AGL: variants seen among roughly 807,000 people sequenced by gnomAD.
AGL encodes amylo-alpha-1,6-glucosidase and 4-alpha-glucanotransferase, also known as glycogen debranching enzyme.
Under a neutral mutation model 199.3 loss-of-function variants are expected in AGL, and 128 were observed. The ratio of observed to expected loss-of-function variants is 0.64; its 90% CI spans 0.56 to 0.74. The LOEUF (loss-of-function observed/expected upper bound fraction) is 0.74, where lower values mean the gene tolerates loss of function less well. Ranked by LOEUF, AGL falls within the 30% of genes least tolerant of loss-of-function variation. The pLI is 0.00. For missense variants in AGL, 1,809 were observed against 1,820.8 expected (o/e 0.99, Z 0.12); for synonymous variants, 584 against 594.7 (o/e 0.98, Z 0.26).
rs141944878 is a variant in AGL, at chr1:99,880,771, G to C, written c.1875G>C (p.Thr625=). The change falls in exon 14 of 34, where the codon ACG becomes ACC. Residue 625 remains threonine, a synonymous_variant. Coordinates refer to ENST00000361915, the MANE Select transcript of AGL (RefSeq NM_000642.3). The part of the protein sequence containing the change: ...AIAHALFMDI[T]HDNECPIVHR... The stretch of plus-strand genomic sequence containing the variant: ...CACATGCCCTGTTTATGGATATTAC[G>C]CATGATAATGAGTGTCCTATTGTGG... The C allele has an allele frequency of 5.9e-5, 95 of 1,613,776 alleles. No individual in the cohort carries two copies. Among genetic ancestry groups the C allele is most frequent in the Non-Finnish European group, 7.3e-5 (86 of 1,179,908 alleles).
chr1:99,870,065 A>G (rs1288121508), intron 5 of AGL, among the ~76,000 whole-genome samples: 1 of 151,980 alleles, frequency 6.6e-6, no homozygotes, highest in Non-Finnish European at 1.5e-5. Context: ...CACTTTCTCA[A>G]CCTCGCTTTT....
At chr1:99,859,343 AT>A (rs1057348234) in intron 2 of AGL, among the ~76,000 whole-genome samples, 3 of 146,998 alleles carry the variant, frequency 2.0e-5, no homozygotes, top group South Asian at 2.1e-4. Context: ...TATAAAAAGC[AT>A]TTTTTCTGTG....
intron 4 of AGL, 142 bp from the exon 5 acceptor site, chr1:99,864,244 C>T: frequency 1.3e-6 from 1 of 754,002 alleles, no homozygotes; most frequent in Non-Finnish European, 2.2e-6. Context: ...GATTTGAACC[C>T]AAGTGTTTGA....
At chr1:99,907,687 T>G (rs1205167461) in intron 27 of AGL, among the ~76,000 whole-genome samples, 1 of 127,062 alleles carries the variant, frequency 7.9e-6, no homozygotes. Flanking sequence ...TTTGTTTTTG[T>G]TTTTTGTTTT....
intron 5 of AGL, among the ~76,000 whole-genome samples, chr1:99,867,855 G>A (rs936356146): frequency 6.6e-6 from 1 of 152,148 alleles, no homozygotes; most frequent in African/African-American, 2.4e-5. Flanking sequence ...AAGCAGGCAG[G>A]TGGAGAAAAA....
At chr1:99,914,279 C>T (rs111912615) in intron 30 of AGL, among the ~76,000 whole-genome samples, 40 of 152,350 alleles carry the variant, frequency 2.6e-4, no homozygotes, top group African/African-American at 8.9e-4. Flanking sequence ...TGTGCTATAA[C>T]CAGTGCCTCA....
chr1:99,873,498 A>G (rs1651206894), intron 7 of AGL, among the ~76,000 whole-genome samples: 2 of 146,372 alleles, frequency 1.4e-5, no homozygotes, highest in Admixed American at 7.0e-5. Context: ...GCAGTGGTGT[A>G]ATCTCCACTC....
At chr1:99,857,270 C>G (rs563683663) in intron 2 of AGL, among the ~76,000 whole-genome samples, 1 of 151,556 alleles carries the variant, frequency 6.6e-6, no homozygotes, top group Non-Finnish European at 1.5e-5. Context: ...CGGGCAGAGA[C>G]GCTCCTCACT....
At chr1:99,904,613 C>T (rs1391142164) in intron 27 of AGL, among the ~76,000 whole-genome samples, 2 of 152,050 alleles carry the variant, frequency 1.3e-5, no homozygotes, top group Admixed American at 6.5e-5. Flanking sequence ...TCACACCTGA[C>T]CACTCCACCC....
Position 99,881,089 on chromosome 1 carries a change from A to G in AGL, c.1913A>G (p.Tyr638Cys). 2 of 1,613,822 alleles carry G rather than the reference A, an allele frequency of 1.2e-6. No homozygotes were observed. Among genetic ancestry groups the G allele is most frequent in the South Asian group, 1.1e-5 (1 of 91,070 alleles). Reference protein sequence around the residue: ...NECPIVHRSAYDALPSTTIVS... With the variant: ...NECPIVHRSACDALPSTTIVS... ...GTTGTCTTCTAGCATAGATCAGCGT[A>G]TGATGCTCTTCCAAGTACTACAATT... Residue 638 changes from tyrosine (Y) to cysteine (C), a missense_variant, in exon 15 of 34, where the codon TAT becomes TGT. Transcript: ENST00000361915.
intron 21 of AGL, among the ~76,000 whole-genome samples, chr1:99,890,664 T>TATAC (rs2100786715): frequency 6.6e-6 from 1 of 151,748 alleles, no homozygotes; most frequent in Non-Finnish European, 1.5e-5. Context: ...TATATATATA[T>TATAC]ACCTCATTTT....
intron 17 of AGL, among the ~76,000 whole-genome samples, chr1:99,882,533 G>A (rs1354558409): frequency 1.3e-5 from 2 of 152,094 alleles, no homozygotes; most frequent in Admixed American, 6.6e-5. Flanking sequence ...AATACTATGC[G>A]AATTGTCTGG....
intron 2 of AGL, among the ~76,000 whole-genome samples, chr1:99,855,753 A>T (rs1649365889): frequency 2.0e-5 from 3 of 152,028 alleles, no homozygotes; most frequent in Admixed American, 2.0e-4. Context: ...GTGAGCCAAG[A>T]TCACACCACT....
chr1:99,878,330 TGA>T (rs1437316639), intron 12 of AGL, among the ~76,000 whole-genome samples: 1 of 151,712 alleles, frequency 6.6e-6, no homozygotes, highest in Non-Finnish European at 1.5e-5. Flanking sequence ...GGCGACAGAG[TGA>T]GACTCTGTCT....
At chr1:99,851,480 G>T (rs1375260258) in intron 2 of AGL, among the ~76,000 whole-genome samples, 2 of 152,074 alleles carry the variant, frequency 1.3e-5, no homozygotes, top group East Asian at 1.9e-4. Context: ...TTTGCTTTGG[G>T]TATGCATGTA....
chr1:99,914,787 T>C (rs969340273), intron 30 of AGL, among the ~76,000 whole-genome samples: 1 of 152,112 alleles, frequency 6.6e-6, no homozygotes, highest in Non-Finnish European at 1.5e-5. Flanking sequence ...TAAATTTAAG[T>C]GTGTGCTGTC....
At chr1:99,872,790 G>T (rs1414499576) in intron 7 of AGL, among the ~76,000 whole-genome samples, 1 of 152,180 alleles carries the variant, frequency 6.6e-6, no homozygotes, top group Non-Finnish European at 1.5e-5. Flanking sequence ...GCCTCCCAAA[G>T]TACTGGGATT....
intron 25 of AGL, among the ~76,000 whole-genome samples, chr1:99,897,623 G>C (rs902716481): frequency 6.6e-6 from 1 of 152,176 alleles, no homozygotes; most frequent in Admixed American, 6.5e-5. Context: ...TTAGGAAGCT[G>C]TTTGCTTCTT....
intron 21 of AGL, among the ~76,000 whole-genome samples, chr1:99,890,654 T>A (rs978675705): frequency 4.3e-5 from 6 of 139,416 alleles, no homozygotes; most frequent in African/African-American, 1.3e-4. Context: ...AAAAAAAATA[T>A]ATATATATAT....
Sources: gnomAD v4.1 joint callset for allele counts (sites outside exome capture counted in the v4.1 genomes callset) on GRCh38, gnomAD v4.1.1 for gene constraint, MANE v1.5 for transcripts, NCBI Gene and HGNC (gene_info 2026-07-23, HGNC 2026-07-21) for gene names.